CADPS: variants seen among roughly 807,000 people sequenced by gnomAD.
The protein encoded by CADPS is calcium-dependent secretion activator 1.
A neutral mutation model predicts 167.3 loss-of-function variants in CADPS; 57 were observed. The ratio of observed to expected loss-of-function variants is 0.34; its 90% CI spans 0.28 to 0.42. CADPS has a LOEUF of 0.42. Ranked by LOEUF, CADPS falls within the 20% of genes least tolerant of loss-of-function variation. The pLI is 1.00. For missense variants in CADPS, 1,414 were observed against 1,738.1 expected, an observed-to-expected ratio of 0.81 and a Z score of 3.32; for synonymous variants, 676 against 635.3, an observed-to-expected ratio of 1.06 and a Z score of -0.96.
intron 6 of CADPS, among the ~76,000 whole-genome samples, chr3:62,607,015 G>A (rs1010513106): frequency 2.0e-5 from 3 of 152,150 alleles, no homozygotes; most frequent in Admixed American, 6.5e-5. Flanking sequence ...ACTGAGTTTC[G>A]GGGTGGTTTG....
chr3:62,837,391 G>A (rs2076047709), intron 1 of CADPS, among the ~76,000 whole-genome samples: 1 of 152,170 alleles, frequency 6.6e-6, no homozygotes, highest in Admixed American at 6.5e-5. Flanking sequence ...CACAGGACGG[G>A]TTAAGTTGAG....
chr3:62,588,094 C>T (rs562041483), intron 7 of CADPS, among the ~76,000 whole-genome samples: 14 of 152,276 alleles, frequency 9.2e-5, no homozygotes, highest in Middle Eastern at 6.8e-3. Context: ...TCCAGCCAGC[C>T]GTGGCTTCTC....
rs188292240 is a variant in CADPS, at chr3:62,689,257, A to G, written c.889-26863T>C. On this transcript the variant is annotated intron_variant, in intron 3 of 29. Coordinates refer to ENST00000383710, the MANE Select transcript of CADPS (RefSeq NM_003716.4). ...AAAAAAAAATGCATTCCTCCATTCC[A>G]TTTATTTTCCTGTTATGACCTTAGG... Among the ~76,000 whole-genome samples, 743 of 152,110 alleles carry G rather than the reference A, an allele frequency of 4.9e-3. 7 individuals are homozygous for G. Among genetic ancestry groups the G allele is most frequent in the Non-Finnish European group, 6.9e-3 (467 of 67,972 alleles).
At chr3:62,748,092 G>A (rs532016801) in intron 3 of CADPS, among the ~76,000 whole-genome samples, 9 of 149,816 alleles carry the variant, frequency 6.0e-5, no homozygotes, top group East Asian at 2.0e-4. Flanking sequence ...AGGCTGAGGC[G>A]GGCGGATCAC....
chr3:62,530,905 G>T (rs1183258524), intron 13 of CADPS: 3 of 556,596 alleles, frequency 5.4e-6, no homozygotes, highest in Non-Finnish European at 6.9e-6. Flanking sequence ...ACAAAAGAAA[G>T]AAAAAGAAGG....
chr3:62,551,907 A>G (rs915944483), intron 10 of CADPS, among the ~76,000 whole-genome samples: 2 of 150,842 alleles, frequency 1.3e-5, no homozygotes, highest in African/African-American at 4.9e-5. Context: ...CTTGTGACCT[A>G]TCTCTTATCT....
At chr3:62,525,738 G>A (rs1217077268) in intron 13 of CADPS, among the ~76,000 whole-genome samples, 1 of 146,732 alleles carries the variant, frequency 6.8e-6, no homozygotes, top group Non-Finnish European at 1.5e-5. Flanking sequence ...TGTATGCACG[G>A]GTATGAGAAA....
At position 62,492,350 on chromosome 3, in the gene CADPS, G is replaced by C; in HGVS notation, c.2824C>G (p.Pro942Ala). ...DMDAALEVQP[P>A]DTWDSFPLFQ... ...AGTGGAAAACTGTCCCATGTGTCTGGAGGTTGCACCTCTAAGGCTGCATCC... is the reference window on the plus strand; with the variant it reads ...AGTGGAAAACTGTCCCATGTGTCTGCAGGTTGCACCTCTAAGGCTGCATCC... Residue 942 changes from proline (P) to alanine (A), a missense_variant, in exon 20 of 30, where the codon CCA (proline) becomes GCA (alanine). By Grantham distance (27) the Pro-to-Ala change is conservative (BLOSUM62 -1). Around this residue, in one of 6 missense-constraint regions of CADPS, gnomAD observed 529 missense variants for 629.6 expected, o/e 0.84. Coordinates refer to ENST00000383710, the MANE Select transcript of CADPS (RefSeq NM_003716.4). 1.2e-6 allele frequency: 2 copies of C among 1,613,968 alleles called. No homozygotes were observed. The highest frequency in any genetic ancestry group is 1.7e-6 in the Non-Finnish European group (2 of 1,179,858).
At chr3:62,434,572 G>T (rs1327144077) in intron 28 of CADPS, among the ~76,000 whole-genome samples, 1 of 152,134 alleles carries the variant, frequency 6.6e-6, no homozygotes, top group South Asian at 2.1e-4. Flanking sequence ...AATTTGGAAA[G>T]CCTGTTCTTA....
chr3:62,724,035 G>A (rs1196907879), intron 3 of CADPS, among the ~76,000 whole-genome samples: 3 of 152,238 alleles, frequency 2.0e-5, no homozygotes, highest in African/African-American at 7.2e-5. Context: ...CTGGTGCAGT[G>A]AGATGGGCGC....
intron 2 of CADPS, among the ~76,000 whole-genome samples, chr3:62,764,006 CATTTA>C (rs1424877024): frequency 6.6e-6 from 1 of 152,168 alleles, no homozygotes; most frequent in Admixed American, 6.5e-5. Context: ...TTAATTTTCA[CATTTA>C]ATTAATAGAT....
At chr3:62,437,714 C>T (rs886479502) in intron 28 of CADPS, among the ~76,000 whole-genome samples, 1 of 152,196 alleles carries the variant, frequency 6.6e-6, no homozygotes, top group South Asian at 2.1e-4. Context: ...GCGCCACCCC[C>T]AGGAGAGGGA....
intron 3 of CADPS, among the ~76,000 whole-genome samples, chr3:62,668,920 C>A (rs1233540537): frequency 6.6e-6 from 1 of 152,170 alleles, no homozygotes; most frequent in Non-Finnish European, 1.5e-5. Context: ...AGGGCTGGGA[C>A]CAAATTCCCA....
At chr3:62,818,650 C>T (rs545071486) in intron 1 of CADPS, among the ~76,000 whole-genome samples, 23 of 152,146 alleles carry the variant, frequency 1.5e-4, no homozygotes, top group Non-Finnish European at 2.9e-4. Context: ...TAAACATATA[C>T]CTACAAGATG....
At chr3:62,781,683 G>T (rs1044778863) in intron 1 of CADPS, among the ~76,000 whole-genome samples, 1 of 152,066 alleles carries the variant, frequency 6.6e-6, no homozygotes. Context: ...GATTGTGTGT[G>T]GGGGCACATG....
At chr3:62,816,431 A>C (rs1337252292) in intron 1 of CADPS, among the ~76,000 whole-genome samples, 1 of 152,074 alleles carries the variant, frequency 6.6e-6, no homozygotes, top group Non-Finnish European at 1.5e-5. Flanking sequence ...TGTTAAAACA[A>C]CTTCATTTGC....
chr3:62,761,331 G>T (rs6791070), intron 2 of CADPS, among the ~76,000 whole-genome samples: 122,779 of 151,728 alleles, frequency 0.81, 50,797 homozygotes, highest in East Asian at 0.95. Context: ...CAAAGCTAGT[G>T]TGACAAAAAT....
chr3:62,716,629 A>C (rs199528376), intron 3 of CADPS, among the ~76,000 whole-genome samples: 1 of 152,026 alleles, frequency 6.6e-6, no homozygotes, highest in Non-Finnish European at 1.5e-5. Context: ...CCAAACCTTT[A>C]AAAAAATGAC....
intron 1 of CADPS, among the ~76,000 whole-genome samples, chr3:62,825,824 C>G (rs759456495): frequency 1.3e-5 from 2 of 152,166 alleles, no homozygotes; most frequent in African/African-American, 2.4e-5. Flanking sequence ...CTTCCTCTGA[C>G]TACACCTCCA....
Sources: allele counts gnomAD v4.1 joint callset (sites outside exome capture counted in the v4.1 genomes callset), GRCh38; gene constraint gnomAD v4.1.1; regional missense constraint gnomAD v4.1.1; transcripts MANE v1.5; gene names NCBI Gene and HGNC (gene_info 2026-07-23, HGNC 2026-07-21).